SH3TC1: variants seen among roughly 807,000 people sequenced by gnomAD.
The protein encoded by SH3TC1 is SH3 domain and tetratricopeptide repeats 1.
A neutral mutation model predicts 117.3 loss-of-function variants in SH3TC1; 135 were observed. The ratio of observed to expected loss-of-function variants is 1.15; its 90% CI spans 1.00 to 1.33. The LOEUF is 1.33. Ranked by LOEUF, SH3TC1 falls within the 40% of genes most tolerant of loss-of-function variation. The probability of loss-of-function intolerance (pLI) is 0.00; values close to 1 mark genes in which losing one functional copy is unlikely to be tolerated. For synonymous variants in SH3TC1, 898 were observed against 816.9 expected (o/e 1.10, Z -1.69); for missense variants, 2,092 against 1,794.3 (o/e 1.17, Z -3.00).
intron 3 of SH3TC1, among the ~76,000 whole-genome samples, chr4:8,212,364 T>G (rs1718824718): frequency 6.6e-6 from 1 of 150,996 alleles, no homozygotes; most frequent in African/African-American, 2.4e-5. Context: ...AGGGGAGGGG[T>G]TGGAGGTCAC....
At chr4:8,207,873 G>A (rs1292887158) in intron 2 of SH3TC1, among the ~76,000 whole-genome samples, 2 of 152,164 alleles carry the variant, frequency 1.3e-5, no homozygotes, top group Non-Finnish European at 2.9e-5. Context: ...GGAGGATGGT[G>A]TTTAGAAGCT....
In SH3TC1 at chr4:8,210,538, G is replaced by A. The variant is rs1484392669; in HGVS notation, c.247+716G>A. Among the ~76,000 whole-genome samples the A allele has an allele frequency of 1.3e-5, 2 of 152,164 alleles. No homozygotes were observed. The highest frequency in any genetic ancestry group is 1.9e-4 in the East Asian group (1 of 5,184). On this transcript the variant is annotated intron_variant, in intron 3 of 17. Transcript: ENST00000245105. The surrounding 1 kb of genome is among the most constrained non-coding windows in gnomAD (Gnocchi z 4.1). ...TGTAATCCCAGCACTTTGGGAGGCCGAGGCGGGTGGATCACTTGAGGTCAG... is the reference window on the plus strand; with the variant it reads ...TGTAATCCCAGCACTTTGGGAGGCCAAGGCGGGTGGATCACTTGAGGTCAG...
intron 9 of SH3TC1, among the ~76,000 whole-genome samples, chr4:8,222,616 C>T (rs774210186): frequency 1.1e-4 from 16 of 151,902 alleles, no homozygotes; most frequent in South Asian, 4.2e-4. Flanking sequence ...TCAAGTGATC[C>T]GCCCACCTCA....
At chr4:8,221,072 A>T (rs1719878530) in intron 9 of SH3TC1, among the ~76,000 whole-genome samples, 1 of 152,248 alleles carries the variant, frequency 6.6e-6, no homozygotes, top group South Asian at 2.1e-4. Context: ...ACACTTACTT[A>T]ACCTCCAGAA....
Position 8,225,365 on chromosome 4 carries a change from T to A in SH3TC1, c.1285+149T>A, listed in dbSNP as rs1281143. Reference sequence around the variant, plus strand: ...GGCTGGGGGCTTGGGGGAGGTTGCCTGAGGTGGGCCTGAACCTCCCGTCCA... The same window carrying A: ...GGCTGGGGGCTTGGGGGAGGTTGCCAGAGGTGGGCCTGAACCTCCCGTCCA... On this transcript the variant is annotated intron_variant, in intron 11 of 17. Coordinates refer to ENST00000245105, the MANE Select transcript of SH3TC1 (RefSeq NM_018986.5). This position sits in a 1 kb window ranked among gnomAD's most constrained non-coding sequence, Gnocchi z 5.5. 7.1e-6 allele frequency: 6 copies of A among 848,244 alleles called. No individual in the cohort carries two copies. Among genetic ancestry groups the A allele is most frequent in the South Asian group, 1.7e-5 (1 of 60,084 alleles). 52.5% of individuals were successfully genotyped at this position (848,244 alleles called of 1,614,324 possible). A position where few individuals can be genotyped will look rare whatever the true frequency, so the allele number is the denominator to read the frequency against.
At chr4:8,191,627 G>A (rs2152974680) in intron 1 of SH3TC1, among the ~76,000 whole-genome samples, 1 of 152,102 alleles carries the variant, frequency 6.6e-6, no homozygotes, top group East Asian at 1.9e-4. Flanking sequence ...CAGCTGGTAC[G>A]GGGCTCCAGG....
chr4:8,185,255 G>C (rs1249755238), intron 1 of SH3TC1, among the ~76,000 whole-genome samples: 1 of 151,994 alleles, frequency 6.6e-6, no homozygotes, highest in African/African-American at 2.4e-5. Context: ...AGAATCACTT[G>C]AACCCGGGAT....
rs898972068 is a variant in SH3TC1, at chr4:8,236,667, A to C, written c.3556+239A>C. On this transcript the variant is annotated intron_variant, in intron 16 of 17. Coordinates refer to ENST00000245105, the MANE Select transcript of SH3TC1 (RefSeq NM_018986.5). ...CCTGTGCCTCTTCCCCCTGCTGACCACGAGGGCTGCCCAGTGTGCCCTCTG... is the reference window on the plus strand; with the variant it reads ...CCTGTGCCTCTTCCCCCTGCTGACCCCGAGGGCTGCCCAGTGTGCCCTCTG... The C allele has an allele frequency of 5.6e-5, 25 of 446,982 alleles. 1 individual carries two copies. The highest frequency in any genetic ancestry group is 1.2e-4 in the Admixed American group (3 of 24,722). 27.7% of individuals were successfully genotyped at this position (446,982 alleles called of 1,614,324 possible).
intron 17 of SH3TC1, among the ~76,000 whole-genome samples, chr4:8,238,013 CAAAG>C (rs1721977530): frequency 6.6e-6 from 1 of 152,174 alleles, no homozygotes; most frequent in Admixed American, 6.5e-5. Context: ...TTGTATCTAA[CAAAG>C]AAAACAGGGT....
chr4:8,199,854 C>CGCAGTG (rs1365221861), intron 1 of SH3TC1, among the ~76,000 whole-genome samples: 1 of 152,202 alleles, frequency 6.6e-6, no homozygotes, highest in Non-Finnish European at 1.5e-5. Context: ...CACCCGGCAC[C>CGCAGTG]GCAGTGGCTA....
rs1348013210 is a variant in SH3TC1, at chr4:8,192,439, C to A, written c.-57+10229C>A. ...TGTAAATTACAATCTTCTTATCCAACCACTTGTCTTTATTTTATTTTATTT... is the reference window on the plus strand; with the variant it reads ...TGTAAATTACAATCTTCTTATCCAAACACTTGTCTTTATTTTATTTTATTT... On this transcript the variant is annotated intron_variant, in intron 1 of 16. Coordinates refer to the SH3TC1 transcript ENST00000508641. The surrounding 1 kb of genome is among the most constrained non-coding windows in gnomAD (Gnocchi z 4.1). 7.2e-6 allele frequency among the ~76,000 whole-genome samples: 1 copy of A among 139,548 alleles called. No homozygotes were observed. The highest frequency in any genetic ancestry group is 6.9e-5 in the Admixed American group (1 of 14,392). The allele number at this position is 139,548 out of a possible 152,430, so 91.5% of individuals were successfully genotyped here.
exon 1 of SH3TC1, chr4:8,182,153 G>GC (rs1284741083): frequency 1.3e-5 from 2 of 152,606 alleles, no homozygotes; most frequent in Non-Finnish European, 2.9e-5. Flanking sequence ...AACAGCTGTG[G>GC]CCCTGCAGCA....
In SH3TC1 at chr4:8,225,586, G is replaced by T. The variant is rs983325420; in HGVS notation, c.1285+370G>T. Among the ~76,000 whole-genome samples, 4 of 152,186 alleles carry T rather than the reference G, an allele frequency of 2.6e-5. No individual in the cohort carries two copies. Among genetic ancestry groups the T allele is most frequent in the African/African-American group, 9.7e-5 (4 of 41,438 alleles). On this transcript the variant is annotated intron_variant, in intron 11 of 17. Coordinates refer to ENST00000245105, the MANE Select transcript of SH3TC1 (RefSeq NM_018986.5). This position sits in a 1 kb window ranked among gnomAD's most constrained non-coding sequence, Gnocchi z 5.5. ...GAGATGGGAGGCCACACTGCCCTCA[G>T]TGGGTGGCAGAATTCAGAGCCTTAG...
intron 1 of SH3TC1, among the ~76,000 whole-genome samples, chr4:8,202,460 C>T (rs1717900727): frequency 6.6e-6 from 1 of 152,258 alleles, no homozygotes; most frequent in Non-Finnish European, 1.5e-5. Flanking sequence ...CGAACAGCTT[C>T]CCCGGAGGGT....
chr4:8,183,848 G>A lies in SH3TC1; in HGVS notation c.-57+1638G>A, dbSNP rs960551712. On this transcript the variant is annotated intron_variant, in intron 1 of 16. Coordinates refer to the SH3TC1 transcript ENST00000508641. The surrounding 1 kb of genome is among the most constrained non-coding windows in gnomAD (Gnocchi z 5.4). ...TTCGCCTGCCCCGGGATCCCACCCA[G>A]GACCCCACTTTGTATTTAGTCCTCC... 1.3e-5 allele frequency among the ~76,000 whole-genome samples: 2 copies of A among 152,136 alleles called. No homozygotes were observed.
intron 9 of SH3TC1, among the ~76,000 whole-genome samples, chr4:8,221,243 G>A (rs560815075): frequency 1.3e-5 from 2 of 152,268 alleles, no homozygotes; most frequent in Non-Finnish European, 2.9e-5. Context: ...ACTTACAAGG[G>A]GTCAGAGAAG....
Position 8,209,958 on chromosome 4 carries a change from G to C in SH3TC1, c.247+136G>C. 2.2e-6 allele frequency: 2 copies of C among 927,262 alleles called. No homozygotes were observed. Among genetic ancestry groups the C allele is most frequent in the African/African-American group, 1.7e-5 (1 of 60,040 alleles). 57.4% of individuals were successfully genotyped at this position (927,262 alleles called of 1,614,324 possible). A position where few individuals can be genotyped will look rare whatever the true frequency, so the allele number is the denominator to read the frequency against. ...CCACCTTAAAATCATGATGGGAATA[G>C]AAAGAAGGGTTTGTTAAATGCGCAT... On this transcript the variant is annotated intron_variant, in intron 3 of 17. Coordinates refer to ENST00000245105, the MANE Select transcript of SH3TC1 (RefSeq NM_018986.5). The surrounding 1 kb of genome is among the most constrained non-coding windows in gnomAD (Gnocchi z 5.9).
intron 14 of SH3TC1, among the ~76,000 whole-genome samples, chr4:8,234,785 G>T (rs1345209538): frequency 1.3e-5 from 2 of 152,220 alleles, no homozygotes; most frequent in Non-Finnish European, 2.9e-5. Flanking sequence ...AGCACCTGCT[G>T]GTATACAGCA....
chr4:8,208,369 C>CT (rs151217437), intron 2 of SH3TC1, among the ~76,000 whole-genome samples: 108,073 of 139,932 alleles, frequency 0.77, 42,840 homozygotes, highest in Non-Finnish European at 0.87. Flanking sequence ...ACATTTCTTT[C>CT]TTTTTTTTTA....
Sources: gnomAD v4.1 joint callset for allele counts (sites outside exome capture counted in the v4.1 genomes callset) on GRCh38, gnomAD v4.1.1 for gene constraint, Gnocchi (gnomAD v3.1) non-coding constraint, MANE v1.5 for transcripts, NCBI Gene and HGNC (gene_info 2026-07-23, HGNC 2026-07-21) for gene names.